FBXL17: variants seen among roughly 807,000 people sequenced by gnomAD.
FBXL17 encodes the protein F-box and leucine rich repeat protein 17.
Under a neutral mutation model 66.2 loss-of-function variants are expected in FBXL17, and 22 were observed. That is an observed-to-expected ratio of 0.33 (90% CI 0.24 to 0.47). FBXL17 has a LOEUF of 0.47. Ranked by LOEUF, FBXL17 falls within the 20% of genes least tolerant of loss-of-function variation. The pLI is 1.00. For synonymous variants in FBXL17, 474 were observed against 400.5 expected, an observed-to-expected ratio of 1.18 and a Z score of -2.19; for missense variants, 878 against 948.2, an observed-to-expected ratio of 0.93 and a Z score of 0.97.
At chr5:107,949,210 T>C (rs189436099) in intron 7 of FBXL17, among the ~76,000 whole-genome samples, 1 of 149,646 alleles carries the variant, frequency 6.7e-6, no homozygotes, top group Non-Finnish European at 1.5e-5. Context: ...AAGAAAGAAA[T>C]CTTAGACCAT....
At chr5:107,985,929 A>G (rs1001385009) in intron 7 of FBXL17, among the ~76,000 whole-genome samples, 2 of 152,208 alleles carry the variant, frequency 1.3e-5, no homozygotes, top group Non-Finnish European at 2.9e-5. Context: ...AAGCTGGGCT[A>G]TGTGTACAGG....
rs139676118 is a variant in FBXL17, at chr5:108,380,099, A to T, written c.993+600T>A. 6.5e-3 allele frequency among the ~76,000 whole-genome samples: 995 copies of T among 152,300 alleles called. 20 individuals carry two copies. The highest frequency in any genetic ancestry group is 0.023 in the African/African-American group (953 of 41,560). On this transcript the variant is annotated intron_variant, in intron 1 of 8. Coordinates refer to ENST00000542267, the MANE Select transcript of FBXL17 (RefSeq NM_001163315.3). ...GACTGTCAGCTCCACAGGAGCAAAG[A>T]CCACTTCTGCCTGACTCACTACTAT...
intron 4 of FBXL17, among the ~76,000 whole-genome samples, chr5:108,337,038 A>AAGAG (rs1760416992): frequency 6.6e-6 from 1 of 152,058 alleles, no homozygotes; most frequent in African/African-American, 2.4e-5. Flanking sequence ...CAGGTGGATC[A>AAGAG]CAAGGTCAAG....
At chr5:107,935,550 C>T (rs1224793825) in intron 7 of FBXL17, among the ~76,000 whole-genome samples, 3 of 151,906 alleles carry the variant, frequency 2.0e-5, no homozygotes, top group Admixed American at 6.6e-5. Flanking sequence ...AGAAAGAAGA[C>T]GAATGTGCTT....
rs1416017476 is a variant in FBXL17, at chr5:108,021,710, C to T, written c.1746-709G>A. On this transcript the variant is annotated intron_variant, in intron 6 of 8. Transcript: ENST00000542267. ...GCCTAGCGGAAGTTGTATACAGATT[C>T]GAATGAACTTTAAAAGTAATGATTA... is the stretch of plus-strand genomic sequence containing the variant. Among the ~76,000 whole-genome samples, 5 of 151,480 alleles carry T rather than the reference C, an allele frequency of 3.3e-5. No individual in the cohort carries two copies. The East Asian group carries it at 5.8e-4, about 18-fold the overall frequency.
intron 4 of FBXL17, among the ~76,000 whole-genome samples, chr5:108,274,262 G>A (rs1189490311): frequency 6.6e-6 from 1 of 152,060 alleles, no homozygotes; most frequent in African/African-American, 2.4e-5. Flanking sequence ...CTGCAGTCTC[G>A]ACCATAAGAG....
intron 6 of FBXL17, among the ~76,000 whole-genome samples, chr5:108,176,588 C>T (rs958692954): frequency 6.6e-6 from 1 of 152,022 alleles, no homozygotes; most frequent in Admixed American, 6.6e-5. Context: ...CAAAATCACC[C>T]ACATCAAATT....
intron 6 of FBXL17, among the ~76,000 whole-genome samples, chr5:108,044,236 A>C (rs751704688): frequency 2.1e-5 from 3 of 146,008 alleles, no homozygotes; most frequent in African/African-American, 5.1e-5. Context: ...TGGTGAGAGC[A>C]GATATCCTTA....
intron 4 of FBXL17, among the ~76,000 whole-genome samples, chr5:108,323,752 A>G (rs1759727402): frequency 6.6e-6 from 1 of 152,076 alleles, no homozygotes; most frequent in Admixed American, 6.6e-5. Flanking sequence ...ACAGACATAG[A>G]CCAAATGAAA....
At chr5:108,224,679 C>T (rs1439775753) in intron 4 of FBXL17, among the ~76,000 whole-genome samples, 2 of 152,116 alleles carry the variant, frequency 1.3e-5, no homozygotes, top group Non-Finnish European at 1.5e-5. Flanking sequence ...GCAACCTCCG[C>T]CTCCCAGGTT....
chr5:108,381,888 G>C lies in FBXL17; in HGVS notation c.-197C>G, dbSNP rs1749992162. 1 of 1,290,700 alleles carries C rather than the reference G, an allele frequency of 7.7e-7. No individual in the cohort carries two copies. Among genetic ancestry groups the C allele is most frequent in the African/African-American group, 1.5e-5 (1 of 64,680 alleles). The allele number at this position is 1,290,700 out of a possible 1,614,324, so 80.0% of individuals were successfully genotyped here. ...TGCGGGCCGCCGGAGTGCCCGACGG[G>C]GGCTACATGCTTTGCCCAGGGAAGC... is the stretch of plus-strand genomic sequence containing the variant. On this transcript the variant is annotated 5_prime_UTR_variant, in exon 1 of 9. Coordinates refer to ENST00000542267, the MANE Select transcript of FBXL17 (RefSeq NM_001163315.3).
Position 108,367,914 on chromosome 5 carries a change from C to T in FBXL17, c.1033G>A (p.Ala345Thr), listed in dbSNP as rs1417794102. ...CGCCAGTACTTGCAAACCAATGATG[C>T]GGAAAGGCAACGCTCATCCAGTGAC... is the stretch of plus-strand genomic sequence containing the variant. ...NLSLDERCLS[A>T]SLVCKYWRDL... is the part of the protein sequence containing the mutation. Residue 345 changes from alanine (A) to threonine (T), a missense_variant, in exon 2 of 9, where the codon GCA (alanine) becomes ACA (threonine). Ala to Thr is a moderately conservative substitution (Grantham distance 58, BLOSUM62 0). Around this residue, in one of 4 missense-constraint regions of FBXL17, gnomAD observed 6 missense variants for 22.6 expected, o/e 0.27. Coordinates refer to ENST00000542267, the MANE Select transcript of FBXL17 (RefSeq NM_001163315.3). The T allele has an allele frequency of 7.4e-5, 115 of 1,550,252 alleles. No homozygotes were observed. The highest frequency in any genetic ancestry group is 9.5e-5 in the Non-Finnish European group (109 of 1,146,078).
intron 8 of FBXL17, among the ~76,000 whole-genome samples, chr5:107,863,942 C>A (rs1006934159): frequency 6.6e-6 from 1 of 152,208 alleles, no homozygotes; most frequent in East Asian, 1.9e-4. Context: ...TCACACTGTA[C>A]TACAATTATC....
At chr5:108,019,367 T>A (rs1754500413) in intron 7 of FBXL17, among the ~76,000 whole-genome samples, 1 of 152,168 alleles carries the variant, frequency 6.6e-6, no homozygotes, top group Non-Finnish European at 1.5e-5. Context: ...TAGTAGGTGC[T>A]GGGCACTGCC....
chr5:108,088,376 T>G (rs1412161214), intron 6 of FBXL17, among the ~76,000 whole-genome samples: 1 of 152,154 alleles, frequency 6.6e-6, no homozygotes, highest in Admixed American at 6.6e-5. Flanking sequence ...TTGACACTTC[T>G]CTTCCTTTGA....
rs1748238322 is a variant in FBXL17 at position 107,865,192 on chromosome 5, A to G, written c.1966-3332T>C. ...ATGGTACATCTTTTCCAATTTATAC[A>G]CAGGTTTGTACAGAGTTTTGTACCT... On this transcript the variant is annotated intron_variant, in intron 8 of 8. Coordinates refer to ENST00000542267, the MANE Select transcript of FBXL17 (RefSeq NM_001163315.3). Among the ~76,000 whole-genome samples the G allele has an allele frequency of 2.0e-5, 3 of 152,232 alleles. No homozygotes were observed. In the South Asian group the frequency reaches 6.2e-4, roughly 31 times the overall value.
At chr5:108,107,565 CACTTTGGG>C (rs1749849714) in intron 6 of FBXL17, among the ~76,000 whole-genome samples, 2 of 152,022 alleles carry the variant, frequency 1.3e-5, no homozygotes, top group African/African-American at 4.8e-5. Context: ...GTAATCCCAG[CACTTTGGG>C]AGGCCAAGGC....
At chr5:107,997,701 C>T (rs17439150) in intron 7 of FBXL17, among the ~76,000 whole-genome samples, 18,879 of 151,948 alleles carry the variant, frequency 0.12, 1,390 homozygotes, top group East Asian at 0.2. Context: ...TATTTATAAA[C>T]GCGACTGAGG....
At chr5:108,209,801 G>A (rs1048665554) in intron 5 of FBXL17, among the ~76,000 whole-genome samples, 10 of 152,140 alleles carry the variant, frequency 6.6e-5, no homozygotes, top group African/African-American at 2.2e-4. Context: ...CCAGGTTTTG[G>A]TAACAGGATG....
Sources: gnomAD v4.1 joint callset for allele counts (sites outside exome capture counted in the v4.1 genomes callset) on GRCh38, gnomAD v4.1.1 for gene constraint, gnomAD v4.1.1 regional missense constraint, MANE v1.5 for transcripts, NCBI Gene and HGNC (gene_info 2026-07-23, HGNC 2026-07-21) for gene names.